The following KIRREL3 variants were observed in gnomAD, a reference collection of about 807,000 sequenced individuals.
The protein encoded by KIRREL3 is kirre like nephrin family adhesion molecule 3, also known as kin of IRRE-like protein 3.
A neutral mutation model predicts 89.7 loss-of-function variants in KIRREL3; 36 were observed. The observed-to-expected ratio is 0.40, with a 90% CI of 0.31 to 0.53. KIRREL3 has a LOEUF of 0.53. Among genes scored for constraint, KIRREL3 ranks in the 20% least tolerant of loss-of-function variants. KIRREL3 has a pLI of 0.49. For missense variants in KIRREL3, 864 were observed against 1,056.6 expected (o/e 0.82, Z 2.53); for synonymous variants, 445 against 441.4 (o/e 1.01, Z -0.10).
At chr11:126,493,045 C>T (rs548520049) in intron 4 of KIRREL3, among the ~76,000 whole-genome samples, 28 of 152,352 alleles carry the variant, frequency 1.8e-4, no homozygotes, top group African/African-American at 6.5e-4. Flanking sequence ...AGCAATTTCC[C>T]TGCAGGGATT....
At chr11:126,657,666 C>T (rs965281038) in intron 1 of KIRREL3, among the ~76,000 whole-genome samples, 1 of 152,088 alleles carries the variant, frequency 6.6e-6, no homozygotes, top group Non-Finnish European at 1.5e-5. Flanking sequence ...GTCCCCAGCC[C>T]AAAGAGGACT....
chr11:126,883,322 C>G lies in KIRREL3; in HGVS notation c.55+117133G>C, dbSNP rs1945576679. 6.6e-6 allele frequency among the ~76,000 whole-genome samples: 1 copy of G among 152,160 alleles called. No homozygotes were observed. Among genetic ancestry groups the G allele is most frequent in the African/African-American group, 2.4e-5 (1 of 41,436 alleles). On this transcript the variant is annotated intron_variant, in intron 1 of 16. Transcript: ENST00000525144. The surrounding 1 kb of genome is among the most constrained non-coding windows in gnomAD (Gnocchi z 4.1). ...GTAGGAGAGAGATCTTCAAGCAGCA[C>G]AGCAGTTAAAGAACTTTATAGCCTC...
At chr11:126,893,259 C>T (rs957070000) in intron 1 of KIRREL3, among the ~76,000 whole-genome samples, 8 of 152,200 alleles carry the variant, frequency 5.3e-5, no homozygotes, top group Non-Finnish European at 1.0e-4. Context: ...TGCCCCGGAA[C>T]GTCCGTCATG....
At chr11:126,846,073 C>A (rs1944131528) in intron 1 of KIRREL3, among the ~76,000 whole-genome samples, 1 of 152,136 alleles carries the variant, frequency 6.6e-6, no homozygotes, top group South Asian at 2.1e-4. Flanking sequence ...ATGGTTTTAA[C>A]TTTTGGGGAT....
At chr11:126,503,128 A>G (rs1425815168) in intron 4 of KIRREL3, among the ~76,000 whole-genome samples, 3 of 152,234 alleles carry the variant, frequency 2.0e-5, no homozygotes, top group Non-Finnish European at 4.4e-5. Flanking sequence ...CCACACAGAT[A>G]GAAACCAAGG....
At position 126,694,592 on chromosome 11, in the gene KIRREL3, C is replaced by A. The variant is rs1026913230; in HGVS notation, c.56-131680G>T. On this transcript the variant is annotated intron_variant, in intron 1 of 16. Transcript: ENST00000525144. The surrounding 1 kb of genome is among the most constrained non-coding windows in gnomAD (Gnocchi z 4.4). Reference sequence around the variant, plus strand: ...AGGCCTTCACACAAAGAGGAATCTGCTCTTGTGGATGAATGAATGGCGGTG... The same window carrying A: ...AGGCCTTCACACAAAGAGGAATCTGATCTTGTGGATGAATGAATGGCGGTG... Among the ~76,000 whole-genome samples the A allele has an allele frequency of 1.3e-5, 2 of 152,128 alleles. No individual in the cohort carries two copies. The highest frequency in any genetic ancestry group is 6.5e-5 in the Admixed American group (1 of 15,276).
chr11:126,962,950 A>G (rs1479805262), intron 1 of KIRREL3, among the ~76,000 whole-genome samples: 4 of 152,224 alleles, frequency 2.6e-5, no homozygotes, highest in African/African-American at 4.8e-5. Flanking sequence ...ATTAAGGTCC[A>G]TAAATTGCTT....
chr11:126,425,886 C>T (rs940326975), intron 15 of KIRREL3, among the ~76,000 whole-genome samples, 162 bp from the exon 16 acceptor site: 1 of 152,192 alleles, frequency 6.6e-6, no homozygotes, highest in African/African-American at 2.4e-5. Flanking sequence ...TCCTGGAGCC[C>T]CATCCTAGGA....
intron 4 of KIRREL3, among the ~76,000 whole-genome samples, chr11:126,488,153 T>A (rs1436649320): frequency 6.6e-6 from 1 of 152,232 alleles, no homozygotes; most frequent in Non-Finnish European, 1.5e-5. Context: ...ATCTGAGACC[T>A]ATTCACCGGG....
intron 13 of KIRREL3, among the ~76,000 whole-genome samples, chr11:126,433,694 T>G (rs1000030987): frequency 6.6e-6 from 1 of 152,170 alleles, no homozygotes; most frequent in Admixed American, 6.5e-5. Context: ...CGTCTCTAGG[T>G]TTAGTTCCAT....
chr11:126,865,530 G>T (rs1297906702), intron 1 of KIRREL3, among the ~76,000 whole-genome samples: 1 of 152,240 alleles, frequency 6.6e-6, no homozygotes. Context: ...GAATCCCATG[G>T]GGGTGGGGAG....
At position 126,696,008 on chromosome 11, in the gene KIRREL3, C is replaced by G. The variant is rs527590824; in HGVS notation, c.56-133096G>C. On this transcript the variant is annotated intron_variant, in intron 1 of 16. Coordinates refer to ENST00000525144, the MANE Select transcript of KIRREL3 (RefSeq NM_032531.4). The surrounding 1 kb of genome is among the most constrained non-coding windows in gnomAD (Gnocchi z 4.4). The stretch of plus-strand genomic sequence containing the variant: ...GTGGCTTATGCCTGTAATCCCAGCA[C>G]TTTGGGAGGCTGAGGCGGGTGGATT... Among the ~76,000 whole-genome samples the G allele has an allele frequency of 8.5e-5, 13 of 152,064 alleles. No individual in the cohort carries two copies. The highest frequency in any genetic ancestry group is 1.2e-4 in the African/African-American group (5 of 41,396).
At position 126,985,102 on chromosome 11, in the gene KIRREL3, C is replaced by T. The variant is rs1160961157; in HGVS notation, c.55+15353G>A. ...CAAGGAAGGATTAAATTATTATCAC[C>T]TTTTCCCCAAGGAGGACTCGGTGCT... On this transcript the variant is annotated intron_variant, in intron 1 of 16. Coordinates refer to ENST00000525144, the MANE Select transcript of KIRREL3 (RefSeq NM_032531.4). The surrounding 1 kb of genome is among the most constrained non-coding windows in gnomAD (Gnocchi z 5.3). Among the ~76,000 whole-genome samples the T allele has an allele frequency of 6.6e-6, 1 of 152,076 alleles. No individual in the cohort carries two copies. Among genetic ancestry groups the T allele is most frequent in the African/African-American group, 2.4e-5 (1 of 41,392 alleles).
chr11:126,591,351 C>T (rs1330019567), intron 1 of KIRREL3, among the ~76,000 whole-genome samples: 8 of 152,196 alleles, frequency 5.3e-5, no homozygotes, highest in Non-Finnish European at 5.9e-5. Context: ...CAAGAGAATC[C>T]CTTAACCTAA....
chr11:126,806,194 T>C (rs1465161920), intron 1 of KIRREL3, among the ~76,000 whole-genome samples: 1 of 152,188 alleles, frequency 6.6e-6, no homozygotes, highest in Non-Finnish European at 1.5e-5. Context: ...TTTTTCAGCC[T>C]TGATGAGCCT....
rs546120992 is a variant in KIRREL3, at chr11:126,906,398, A to C, written c.55+94057T>G. Among the ~76,000 whole-genome samples, 1 of 152,308 alleles carries C rather than the reference A, an allele frequency of 6.6e-6. No homozygotes were observed. The highest frequency in any genetic ancestry group is 2.4e-5 in the African/African-American group (1 of 41,578). On this transcript the variant is annotated intron_variant, in intron 1 of 16. Transcript: ENST00000525144. The surrounding 1 kb of genome is among the most constrained non-coding windows in gnomAD (Gnocchi z 4.1). The stretch of plus-strand genomic sequence containing the variant: ...TGATCAGTCTTATCAAAAGAGGGAA[A>C]CTGAGGCTTAAGGAACGGAAGTATT...
Position 126,682,063 on chromosome 11 carries a change from T to C in KIRREL3, c.56-119151A>G. 2.9e-6 allele frequency: 1 copy of C among 348,162 alleles called. No homozygotes were observed. The highest frequency in any genetic ancestry group is 5.7e-6 in the Non-Finnish European group (1 of 175,906). The allele number at this position is 348,162 out of a possible 1,614,324, so 21.6% of individuals were successfully genotyped here. A position where few individuals can be genotyped will look rare whatever the true frequency, so the allele number is the denominator to read the frequency against. Reference sequence around the variant, plus strand: ...CCAGATTTAAAGTTCTATGTTGTATTTTATTTGATGCAAAGCAATAAAATA... The same window carrying C: ...CCAGATTTAAAGTTCTATGTTGTATCTTATTTGATGCAAAGCAATAAAATA... On this transcript the variant is annotated intron_variant, in intron 1 of 16. Transcript: ENST00000525144. The surrounding 1 kb of genome is among the most constrained non-coding windows in gnomAD (Gnocchi z 4.8).
chr11:126,428,480 C>G lies in KIRREL3; in HGVS notation c.1806+699G>C, dbSNP rs541708767. Among the ~76,000 whole-genome samples the G allele has an allele frequency of 1.3e-5, 2 of 149,994 alleles. No individual in the cohort carries two copies. The highest frequency in any genetic ancestry group is 2.0e-4 in the East Asian group (1 of 5,106). On this transcript the variant is annotated intron_variant, in intron 15 of 16. Coordinates refer to ENST00000525144, the MANE Select transcript of KIRREL3 (RefSeq NM_032531.4). This position sits in a 1 kb window ranked among gnomAD's most constrained non-coding sequence, Gnocchi z 6.4. ...TCTTGCAGACTGTTTTGGTGGGGTG[C>G]GGGGGATGAGGGAGAGGGACATGTA...
chr11:126,983,585 G>A lies in KIRREL3; in HGVS notation c.55+16870C>T, dbSNP rs776238725. Among the ~76,000 whole-genome samples, 27 of 152,192 alleles carry A rather than the reference G, an allele frequency of 1.8e-4. No individual in the cohort carries two copies. The highest frequency in any genetic ancestry group is 3.8e-4 in the Non-Finnish European group (26 of 68,042). ...AGTAGTAGGTGAGGTGAAGATGGAA[G>A]CAAGAGGTTGGAGTGAAGGGAGGAA... On this transcript the variant is annotated intron_variant, in intron 1 of 16. Coordinates refer to ENST00000525144, the MANE Select transcript of KIRREL3 (RefSeq NM_032531.4). The surrounding 1 kb of genome is among the most constrained non-coding windows in gnomAD (Gnocchi z 4.9).
Sources: gnomAD v4.1 joint callset for allele counts (sites outside exome capture counted in the v4.1 genomes callset) on GRCh38, gnomAD v4.1.1 for gene constraint, Gnocchi (gnomAD v3.1) non-coding constraint, MANE v1.5 for transcripts, NCBI Gene and HGNC (gene_info 2026-07-23, HGNC 2026-07-21) for gene names.